RFTN1: variants seen among roughly 807,000 people sequenced by gnomAD.
RFTN1 encodes raftlin.
RFTN1 carries 26 observed loss-of-function variants against 46.5 expected under a neutral mutation model. The observed-to-expected ratio is 0.56, with a 90% CI of 0.41 to 0.78. RFTN1 has a LOEUF of 0.78. Ranked by LOEUF, RFTN1 falls within the 30% of genes least tolerant of loss-of-function variation. The probability of loss-of-function intolerance (pLI) is 0.00; values close to 1 mark genes in which losing one functional copy is unlikely to be tolerated. For synonymous variants in RFTN1, 261 were observed against 284.2 expected (o/e 0.92, Z 0.82); for missense variants, 693 against 718.7 (o/e 0.96, Z 0.41).
Position 16,381,823 on chromosome 3 carries a change from G to A in RFTN1, c.442-3721C>T, listed in dbSNP as rs1028487294. Among the ~76,000 whole-genome samples the A allele has an allele frequency of 5.3e-5, 8 of 152,088 alleles. No homozygotes were observed. The highest frequency in any genetic ancestry group is 7.4e-5 in the Non-Finnish European group (5 of 68,012). On this transcript the variant is annotated intron_variant, in intron 4 of 9. Coordinates refer to ENST00000334133, the MANE Select transcript of RFTN1 (RefSeq NM_015150.2). The surrounding 1 kb of genome is among the most constrained non-coding windows in gnomAD (Gnocchi z 4.2). The stretch of plus-strand genomic sequence containing the variant: ...AGCTTGACTAGACATGACAAGGACC[G>A]GATCACATATGGCCTTGGATCCATG...
rs1327418728 is a variant in RFTN1 at position 16,404,363 on chromosome 3, C to T, written c.441+5012G>A. Among the ~76,000 whole-genome samples, 7 of 34,334 alleles carry T rather than the reference C, an allele frequency of 2.0e-4. 2 individuals carry two copies. The highest frequency in any genetic ancestry group is 1.2e-3 in the African/African-American group (7 of 5,750). 22.5% of individuals were successfully genotyped at this position (34,334 alleles called of 152,430 possible). On this transcript the variant is annotated intron_variant, in intron 4 of 9. Coordinates refer to ENST00000334133, the MANE Select transcript of RFTN1 (RefSeq NM_015150.2). ...ATATATAATATATAATATATATACA[C>T]AATATATAATATATATAATATATAA...
intron 4 of RFTN1, among the ~76,000 whole-genome samples, chr3:16,391,128 A>AC (rs1270149299): frequency 6.6e-6 from 1 of 151,976 alleles, no homozygotes; most frequent in Non-Finnish European, 1.5e-5. Flanking sequence ...CACCTCCATC[A>AC]CCCTCATCCC....
In RFTN1 at chr3:16,327,555, C is replaced by CAAA. The variant is rs1308412819; in HGVS notation, c.1147-680_1147-679insTTT. On this transcript the variant is annotated intron_variant, in intron 7 of 9. Transcript: ENST00000334133. This position sits in a 1 kb window ranked among gnomAD's most constrained non-coding sequence, Gnocchi z 4.2. ...CAGGTGGATCACATGGTCAGGAGAT[C>CAAA]AAGACCATCCTGGCTAACACAGTGA... 6.6e-6 allele frequency among the ~76,000 whole-genome samples: 1 copy of CAAA among 151,954 alleles called. No homozygotes were observed. Among genetic ancestry groups the CAAA allele is most frequent in the Non-Finnish European group, 1.5e-5 (1 of 67,970 alleles).
chr3:16,396,288 T>A (rs1030613547), intron 4 of RFTN1, among the ~76,000 whole-genome samples: 3 of 152,096 alleles, frequency 2.0e-5, no homozygotes, highest in Admixed American at 1.3e-4. Context: ...ATTTTTAGAA[T>A]TAAAAAAAAT....
chr3:16,368,051 G>A (rs2073306351), intron 6 of RFTN1, among the ~76,000 whole-genome samples: 1 of 152,074 alleles, frequency 6.6e-6, no homozygotes, highest in Admixed American at 6.5e-5. Context: ...GCCACAGATA[G>A]CATCTATGGG....
At position 16,320,268 on chromosome 3, in the gene RFTN1, C is replaced by T. The variant is rs2068896172; in HGVS notation, c.1333-3036G>A. 6.6e-6 allele frequency among the ~76,000 whole-genome samples: 1 copy of T among 152,232 alleles called. No individual in the cohort carries two copies. The highest frequency in any genetic ancestry group is 2.4e-5 in the African/African-American group (1 of 41,462). ...GCCTTGAAAATCACACGCACGTACA[C>T]AGAGGTTTCTTTCCAATGCTGAAAA... On this transcript the variant is annotated intron_variant, in intron 9 of 9. Transcript: ENST00000334133. This position sits in a 1 kb window ranked among gnomAD's most constrained non-coding sequence, Gnocchi z 4.5.
intron 2 of RFTN1, among the ~76,000 whole-genome samples, chr3:16,441,299 TAAAAAA>T (rs59877269): frequency 4.2e-5 from 2 of 47,554 alleles, no homozygotes; most frequent in Non-Finnish European, 4.9e-5. Context: ...TTCCAAGAAC[TAAAAAA>T]AAAAAAAAAA....
chr3:16,388,936 G>A (rs902242341), intron 4 of RFTN1, among the ~76,000 whole-genome samples: 9 of 152,160 alleles, frequency 5.9e-5, no homozygotes, highest in African/African-American at 2.2e-4. Context: ...AAGACTCCCT[G>A]GAACATTCTG....
chr3:16,511,514 T>C (rs181353563), intron 1 of RFTN1, among the ~76,000 whole-genome samples: 14 of 152,282 alleles, frequency 9.2e-5, no homozygotes, highest in African/African-American at 3.1e-4. Context: ...AGGGGGTCAC[T>C]GTTCTTGCAA....
Position 16,342,137 on chromosome 3 carries a change from A to T in RFTN1, c.1147-15261T>A, listed in dbSNP as rs1323008402. On this transcript the variant is annotated intron_variant, in intron 7 of 9. Transcript: ENST00000334133. The surrounding 1 kb of genome is among the most constrained non-coding windows in gnomAD (Gnocchi z 4.0). ...AGTTATACAACCATCACCACAATCT[A>T]AGTTTAGACCACTTTCATCACCCCC... Among the ~76,000 whole-genome samples the T allele has an allele frequency of 6.6e-6, 1 of 152,160 alleles. No homozygotes were observed. Among genetic ancestry groups the T allele is most frequent in the African/African-American group, 2.4e-5 (1 of 41,408 alleles).
chr3:16,503,856 C>T (rs1042350698), intron 1 of RFTN1, among the ~76,000 whole-genome samples: 3 of 152,178 alleles, frequency 2.0e-5, no homozygotes, highest in African/African-American at 4.8e-5. Flanking sequence ...TGGAAAAGTA[C>T]AGAAAATGAG....
chr3:16,400,349 G>C lies in RFTN1; in HGVS notation c.441+9026C>G, dbSNP rs559157171. ...CCTGTTGACCCTCAGGTCTTGGTAT[G>C]TACACTTCATGGAGCACTCCCCCAA... On this transcript the variant is annotated intron_variant, in intron 4 of 9. Transcript: ENST00000334133. This position sits in a 1 kb window ranked among gnomAD's most constrained non-coding sequence, Gnocchi z 4.5. Among the ~76,000 whole-genome samples the C allele has an allele frequency of 1.8e-4, 28 of 152,232 alleles. No homozygotes were observed. The highest frequency in any genetic ancestry group is 3.4e-3 in the Middle Eastern group (1 of 292).
intron 4 of RFTN1, among the ~76,000 whole-genome samples, chr3:16,406,668 CT>C: frequency 6.6e-6 from 1 of 152,286 alleles, no homozygotes; most frequent in East Asian, 1.9e-4. Context: ...TAAGTCTTCA[CT>C]TAATGTTGTC....
rs2074146074 is a variant in RFTN1 at position 16,385,651 on chromosome 3, AC to A, written c.442-7550del. On this transcript the variant is annotated intron_variant, in intron 4 of 9. Transcript: ENST00000334133. The surrounding 1 kb of genome is among the most constrained non-coding windows in gnomAD (Gnocchi z 5.0). Reference sequence around the variant, plus strand: ...GAATACCAATTGGAATCACCAAGCAACCCCCAGCCATTCCATTGCACAGAGT... The same window carrying A: ...GAATACCAATTGGAATCACCAAGCAACCCCAGCCATTCCATTGCACAGAGT... 1.3e-5 allele frequency among the ~76,000 whole-genome samples: 2 copies of A among 152,206 alleles called. No individual in the cohort carries two copies. Among genetic ancestry groups the A allele is most frequent in the African/African-American group, 4.8e-5 (2 of 41,514 alleles).
At chr3:16,378,208 G>A in intron 4 of RFTN1, 106 bp from the exon 5 acceptor site, 11 of 895,258 alleles carry the variant, frequency 1.2e-5, no homozygotes, top group Non-Finnish European at 1.9e-5. Flanking sequence ...GCTGTTTCAG[G>A]TGCAGGAGAA....
chr3:16,502,244 C>T (rs939296817), intron 1 of RFTN1, among the ~76,000 whole-genome samples: 1 of 151,904 alleles, frequency 6.6e-6, no homozygotes, highest in Non-Finnish European at 1.5e-5. Flanking sequence ...ATGGCAGGTC[C>T]CAGCTACTCG....
At chr3:16,493,902 G>T (rs775227372) in intron 1 of RFTN1, 25 bp from the exon 2 acceptor site, 1 of 1,611,958 alleles carries the variant, frequency 6.2e-7, no homozygotes, top group Non-Finnish European at 8.5e-7. Context: ...AAAAAGGCGG[G>T]GAGGTGATTT....
At chr3:16,444,435 C>G (rs1163039185) in intron 2 of RFTN1, among the ~76,000 whole-genome samples, 2 of 152,216 alleles carry the variant, frequency 1.3e-5, no homozygotes, top group Non-Finnish European at 2.9e-5. Flanking sequence ...CCGGCTTCCT[C>G]CCACATCCCA....
At chr3:16,497,262 T>G (rs2076640178) in intron 1 of RFTN1, among the ~76,000 whole-genome samples, 1 of 152,202 alleles carries the variant, frequency 6.6e-6, no homozygotes, top group Non-Finnish European at 1.5e-5. Flanking sequence ...AATGCACAGA[T>G]ACATCTCCAA....
Sources: gnomAD v4.1 joint callset for allele counts (sites outside exome capture counted in the v4.1 genomes callset) on GRCh38, gnomAD v4.1.1 for gene constraint, Gnocchi (gnomAD v3.1) non-coding constraint, MANE v1.5 for transcripts, NCBI Gene and HGNC (gene_info 2026-07-23, HGNC 2026-07-21) for gene names.